HIP1: variants seen among roughly 807,000 people sequenced by gnomAD.
The protein encoded by HIP1 is huntingtin interacting protein 1, also known as huntingtin-interacting protein 1.
Under a neutral mutation model 147.6 loss-of-function variants are expected in HIP1, and 65 were observed. The ratio of observed to expected loss-of-function variants is 0.44; its 90% CI spans 0.36 to 0.54. The LOEUF is 0.54. Ranked by LOEUF, HIP1 falls within the 20% of genes least tolerant of loss-of-function variation. The probability of loss-of-function intolerance (pLI) is 0.00; values close to 1 mark genes in which losing one functional copy is unlikely to be tolerated. For missense variants in HIP1, 1,061 were observed against 1,299.6 expected, an observed-to-expected ratio of 0.82 and a Z score of 2.82; for synonymous variants, 479 against 504.0, an observed-to-expected ratio of 0.95 and a Z score of 0.67.
At chr7:75,676,992 C>G (rs1413759795) in intron 1 of HIP1, among the ~76,000 whole-genome samples, 1 of 151,716 alleles carries the variant, frequency 6.6e-6, no homozygotes, top group Admixed American at 6.6e-5. Flanking sequence ...GTCAGGAGTT[C>G]AAGACTATCC....
rs1484523290 is a variant in HIP1, at chr7:75,580,575, C to CA, written c.604+661dup. Among the ~76,000 whole-genome samples, 24 of 152,046 alleles carry CA rather than the reference C, an allele frequency of 1.6e-4. No homozygotes were observed. In the Middle Eastern group the frequency reaches 0.01, roughly 65 times the overall value. ...CAACACAGTGAGACCCCTATCTCTGCAAAAAATATAAAAAATCAGCCAGAT... is the reference window on the plus strand; with the variant it reads ...CAACACAGTGAGACCCCTATCTCTGCAAAAAAATATAAAAAATCAGCCAGAT... On this transcript the variant is annotated intron_variant, in intron 7 of 30. Transcript: ENST00000336926.
chr7:75,736,506 C>T (rs1563321467), intron 1 of HIP1, among the ~76,000 whole-genome samples: 1 of 151,860 alleles, frequency 6.6e-6, no homozygotes, highest in Non-Finnish European at 1.5e-5. Flanking sequence ...CACTTGACGC[C>T]AGGAGTTTGA....
intron 14 of HIP1, 30 bp downstream of exon 14, chr7:75,559,702 G>T (rs1795150450): frequency 2.4e-6 from 3 of 1,241,092 alleles, no homozygotes; most frequent in Non-Finnish European, 3.4e-6. Flanking sequence ...CTGCCCCCGG[G>T]GCCCGCCCCC....
intron 1 of HIP1, among the ~76,000 whole-genome samples, chr7:75,632,280 C>A (rs187300923): frequency 6.6e-6 from 1 of 152,010 alleles, no homozygotes; most frequent in East Asian, 1.9e-4. Flanking sequence ...CAGGGGCCTA[C>A]GTAAAAAGGG....
intron 1 of HIP1, among the ~76,000 whole-genome samples, chr7:75,690,708 C>A (rs544863135): frequency 1.8e-4 from 27 of 151,760 alleles, no homozygotes; most frequent in African/African-American, 6.0e-4. Context: ...ACTAAAAATA[C>A]AAAATTAGCC....
intron 1 of HIP1, among the ~76,000 whole-genome samples, chr7:75,687,435 T>C (rs1554517682): frequency 6.6e-6 from 1 of 152,228 alleles, no homozygotes; most frequent in African/African-American, 2.4e-5. Flanking sequence ...CTCATGCCTG[T>C]AATCTCATCA....
intron 22 of HIP1, among the ~76,000 whole-genome samples, chr7:75,549,937 A>G (rs1404273935): frequency 2.0e-5 from 3 of 151,522 alleles, no homozygotes; most frequent in Admixed American, 6.6e-5. Context: ...TGGCTTCCCA[A>G]TGTGCTGGGA....
intron 1 of HIP1, among the ~76,000 whole-genome samples, chr7:75,720,247 G>A (rs781975272): frequency 3.9e-5 from 6 of 151,998 alleles, no homozygotes; most frequent in Non-Finnish European, 7.4e-5. Context: ...TGCAACCTCC[G>A]CCTCCTGGGT....
chr7:75,604,188 TCTCCATA>T (rs1311337578), intron 1 of HIP1, among the ~76,000 whole-genome samples: 1 of 152,050 alleles, frequency 6.6e-6, no homozygotes, highest in Non-Finnish European at 1.5e-5. Context: ...CTGGGCAAAG[TCTCCATA>T]CTTCCGGAGC....
chr7:75,551,952 C>T lies in HIP1; in HGVS notation c.2295+1501G>A, dbSNP rs142225996. 4.1e-3 allele frequency among the ~76,000 whole-genome samples: 629 copies of T among 151,884 alleles called. 5 individuals are homozygous for T. The highest frequency in any genetic ancestry group is 0.015 in the African/African-American group (605 of 41,408). ...TTGCCCAGGTTGGAGTGCAAAGGCA[C>T]GATCTTAGCTCACTGCAACCTCAGC... On this transcript the variant is annotated intron_variant, in intron 22 of 30. Coordinates refer to ENST00000336926, the MANE Select transcript of HIP1 (RefSeq NM_005338.7).
chr7:75,627,611 G>A (rs1462226948), intron 1 of HIP1, among the ~76,000 whole-genome samples: 1 of 152,144 alleles, frequency 6.6e-6, no homozygotes, highest in Non-Finnish European at 1.5e-5. Flanking sequence ...TGTTACTTGG[G>A]TAGGGCTGAG....
chr7:75,563,358 G>A, intron 9 of HIP1, 95 bp from the exon 10 acceptor site: 2 of 1,012,924 alleles, frequency 2.0e-6, no homozygotes, highest in Admixed American at 3.7e-5. Flanking sequence ...CCCCTCCCCA[G>A]CCCAAAGGCA....
chr7:75,664,594 A>G (rs1257881197), intron 1 of HIP1, among the ~76,000 whole-genome samples: 4 of 143,080 alleles, frequency 2.8e-5, no homozygotes, highest in South Asian at 4.7e-4. Flanking sequence ...ATATATGTAT[A>G]GGGAGAGAGA....
intron 1 of HIP1, among the ~76,000 whole-genome samples, chr7:75,656,564 G>GCCTCCT (rs1271903257): frequency 9.2e-5 from 14 of 152,000 alleles, no homozygotes; most frequent in African/African-American, 3.1e-4. Context: ...CGCAACCTCT[G>GCCTCCT]CCTCCTGGGT....
At chr7:75,564,888 A>G (rs1554495246) in intron 9 of HIP1, among the ~76,000 whole-genome samples, 2 of 151,898 alleles carry the variant, frequency 1.3e-5, no homozygotes, top group Admixed American at 1.3e-4. Flanking sequence ...GAGAGCCACC[A>G]TGCTTGGCCT....
At chr7:75,725,844 AC>A (rs1801634080) in intron 1 of HIP1, among the ~76,000 whole-genome samples, 1 of 104,998 alleles carries the variant, frequency 9.5e-6, no homozygotes. Context: ...TTTTTTTGAG[AC>A]TGAGTCTCAC....
At position 75,731,152 on chromosome 7, in the gene HIP1, G is replaced by A. The variant is rs961701681; in HGVS notation, c.120+7649C>T. ...TAAGTTTTCAATACCCACTAAAGGA[G>A]CAAGGTTGGGGAGATAGAAGGGTAC... On this transcript the variant is annotated intron_variant, in intron 1 of 30. Transcript: ENST00000336926. Among the ~76,000 whole-genome samples the A allele has an allele frequency of 2.8e-4, 42 of 152,126 alleles. 1 individual carries two copies. Among genetic ancestry groups the A allele is most frequent in the Admixed American group, 4.6e-4 (7 of 15,276 alleles).
chr7:75,575,455 A>C (rs933537095), intron 7 of HIP1, among the ~76,000 whole-genome samples: 1 of 152,186 alleles, frequency 6.6e-6, no homozygotes, highest in African/African-American at 2.4e-5. Flanking sequence ...GTGAGACTCC[A>C]TCTCAAAAGA....
At chr7:75,546,708 CAAT>C (rs1233550541) in intron 25 of HIP1, among the ~76,000 whole-genome samples, 1 of 152,206 alleles carries the variant, frequency 6.6e-6, no homozygotes, top group Non-Finnish European at 1.5e-5. Context: ...CAAGTTCCAA[CAAT>C]GTCTGCCTGT....
Sources: allele counts gnomAD v4.1 joint callset (sites outside exome capture counted in the v4.1 genomes callset), GRCh38; gene constraint gnomAD v4.1.1; transcripts MANE v1.5; gene names NCBI Gene and HGNC (gene_info 2026-07-23, HGNC 2026-07-21).